The following PDCD7 variants were observed in gnomAD, a reference collection of about 807,000 sequenced individuals.
PDCD7 encodes the protein programmed cell death protein 7.
A neutral mutation model predicts 42.1 loss-of-function variants in PDCD7; 40 were observed. That is an observed-to-expected ratio of 0.95 (90% CI 0.74 to 1.24). The LOEUF (loss-of-function observed/expected upper bound fraction) is 1.24, where lower values mean the gene tolerates loss of function less well. Among genes scored for constraint, PDCD7 ranks in the 50% most tolerant of loss-of-function variants. PDCD7 has a pLI of 0.00. For synonymous variants in PDCD7, 299 were observed against 303.3 expected, an observed-to-expected ratio of 0.99 and a Z score of 0.15; for missense variants, 644 against 662.8, an observed-to-expected ratio of 0.97 and a Z score of 0.31.
chr15:65,128,545 G>T (rs142282989), intron 2 of PDCD7, among the ~76,000 whole-genome samples: 3 of 152,200 alleles, frequency 2.0e-5, no homozygotes, highest in African/African-American at 7.2e-5. Context: ...GTGACATGAA[G>T]GGAAGGTGGG....
At chr15:65,119,262 C>T in intron 4 of PDCD7, 114 bp downstream of exon 4, 14 of 651,336 alleles carry the variant, frequency 2.1e-5, no homozygotes, top group African/African-American at 1.8e-5. Context: ...TTTTTAAGTT[C>T]CTTATGGAAC....
chr15:65,129,127 A>G lies in PDCD7; in HGVS notation c.914T>C (p.Val305Ala), dbSNP rs1400835526. Residue 305 changes from valine (V) to alanine (A), a missense_variant, in exon 2 of 5, where the codon GTG (valine) becomes GCG (alanine). Coordinates refer to ENST00000204549, the MANE Select transcript of PDCD7 (RefSeq NM_005707.2). The part of the protein sequence containing the change: ...KAAADGVLSE[V>A]RKKQADTKRM... ...TTTGGTATCTGCTTGTTTTTTCCTC[A>G]CTTCAGATAGTACGCCATCAGCGGC... is the stretch of plus-strand genomic sequence containing the variant. The G allele has an allele frequency of 1.2e-6, 2 of 1,613,826 alleles. No individual in the cohort carries two copies. The highest frequency in any genetic ancestry group is 1.3e-5 in the African/African-American group (1 of 74,984).
At chr15:65,130,780 T>C (rs936013365) in intron 1 of PDCD7, among the ~76,000 whole-genome samples, 5 of 151,852 alleles carry the variant, frequency 3.3e-5, no homozygotes, top group Non-Finnish European at 5.9e-5. Flanking sequence ...GAGGCAGAGG[T>C]TGCAGCGAGC....
intron 1 of PDCD7, among the ~76,000 whole-genome samples, chr15:65,132,162 C>T (rs2087545640): frequency 6.7e-6 from 1 of 149,170 alleles, no homozygotes; most frequent in Non-Finnish European, 1.5e-5. Flanking sequence ...CTCCGAAACA[C>T]CATTGCTGAA....
rs2087427783 is a variant in PDCD7 at position 65,118,764 on chromosome 15, G to A, written c.1411C>T (p.Pro471Ser). 5 of 1,610,310 alleles carry A rather than the reference G, an allele frequency of 3.1e-6. No homozygotes were observed. The highest frequency in any genetic ancestry group is 3.4e-5 in the Admixed American group (2 of 59,512). ...GCCCAGATGTCGTTGCTGGGGAGCG[G>A]GGGAAGGACCCATCCTTGGGGAACG... Reference protein sequence around the residue: ...NFVPQGWVLPPLPSNDIWATA... With the variant: ...NFVPQGWVLPSLPSNDIWATA... The change falls in exon 5 of 5, where the codon CCG becomes TCG. Residue 471 changes from proline (P) to serine (S), a missense_variant. Coordinates refer to ENST00000204549, the MANE Select transcript of PDCD7 (RefSeq NM_005707.2).
chr15:65,132,810 A>G, intron 1 of PDCD7, 102 bp downstream of exon 1: 1 of 1,519,586 alleles, frequency 6.6e-7, no homozygotes, highest in Non-Finnish European at 8.8e-7. Flanking sequence ...TTTTGCGCGT[A>G]AAACAGAGGC....
At chr15:65,124,609 A>C (rs1008069102) in intron 2 of PDCD7, among the ~76,000 whole-genome samples, 24 of 152,118 alleles carry the variant, frequency 1.6e-4, no homozygotes, top group African/African-American at 5.1e-4. Context: ...AGTCCTGTTC[A>C]GTCTGTGGAC....
chr15:65,121,053 CTTTTTTTT>C (rs767625477), intron 2 of PDCD7, among the ~76,000 whole-genome samples: 1 of 130,158 alleles, frequency 7.7e-6, no homozygotes, highest in Non-Finnish European at 1.7e-5. Context: ...GACTTTCTTT[CTTTTTTTT>C]TTTTTTTTTT....
Position 65,133,764 on chromosome 15 carries a change from G to A in PDCD7, c.18C>T (p.Phe6=). 1 of 1,345,720 alleles carries A rather than the reference G, an allele frequency of 7.4e-7. No individual in the cohort carries two copies. The highest frequency in any genetic ancestry group is 9.6e-7 in the Non-Finnish European group (1 of 1,046,302). The allele number at this position is 1,345,720 out of a possible 1,614,324, so 83.4% of individuals were successfully genotyped here. A position where few individuals can be genotyped will look rare whatever the true frequency, so the allele number is the denominator to read the frequency against. Residue 6 remains phenylalanine (F), a synonymous_variant, in exon 1 of 5, where the codon TTC becomes TTT. Coordinates refer to ENST00000204549, the MANE Select transcript of PDCD7 (RefSeq NM_005707.2). ...GTGGGCCTGGGCGACCCTGGCCGAA[G>A]AATGGTGGCAGGGCCATGTTCACGA... MALPP[F]FGQGRPGPPP... is the part of the protein sequence containing the mutation.
intron 1 of PDCD7, among the ~76,000 whole-genome samples, chr15:65,131,186 CATTCTCATAGG>C (rs1017811177): frequency 6.6e-6 from 1 of 152,212 alleles, no homozygotes; most frequent in African/African-American, 2.4e-5. Context: ...AGCAGCATTA[CATTCTCATAGG>C]AGCACAAAGA....
intron 4 of PDCD7, 128 bp from the exon 5 acceptor site, chr15:65,118,968 C>T (rs957503715): frequency 3.3e-6 from 2 of 602,446 alleles, no homozygotes; most frequent in East Asian, 6.6e-5. Context: ...AACTTGATTT[C>T]TAGGAATCAA....
At position 65,118,530 on chromosome 15, in the gene PDCD7, A is replaced by G; in HGVS notation, c.*187T>C. ...CACCTAAGTCCTTTCCTGAAAAACCACATTAATCTGATTCAAGAGGCACCT... is the reference window on the plus strand; with the variant it reads ...CACCTAAGTCCTTTCCTGAAAAACCGCATTAATCTGATTCAAGAGGCACCT... On this transcript the variant is annotated 3_prime_UTR_variant, in exon 5 of 5. Coordinates refer to ENST00000204549, the MANE Select transcript of PDCD7 (RefSeq NM_005707.2). The G allele has an allele frequency of 2.0e-6, 1 of 505,766 alleles. No homozygotes were observed. The highest frequency in any genetic ancestry group is 6.6e-5 in the South Asian group (1 of 15,234). The allele number at this position is 505,766 out of a possible 1,614,324, so 31.3% of individuals were successfully genotyped here. A position where few individuals can be genotyped will look rare whatever the true frequency, so the allele number is the denominator to read the frequency against.
intron 2 of PDCD7, among the ~76,000 whole-genome samples, chr15:65,122,232 AG>A (rs1351486695): frequency 6.6e-6 from 1 of 152,142 alleles, no homozygotes; most frequent in Non-Finnish European, 1.5e-5. Context: ...ACTACTCAGG[AG>A]GCTAAGCCAG....
chr15:65,125,466 C>G (rs2087488132), intron 2 of PDCD7, among the ~76,000 whole-genome samples: 1 of 152,166 alleles, frequency 6.6e-6, no homozygotes. Flanking sequence ...GTTTGCTTTT[C>G]TTGTATCATA....
intron 2 of PDCD7, among the ~76,000 whole-genome samples, chr15:65,127,509 A>C (rs1425998641): frequency 6.6e-6 from 1 of 151,818 alleles, no homozygotes; most frequent in African/African-American, 2.4e-5. Flanking sequence ...CCAAAGCTTT[A>C]AGTATAAGTG....
chr15:65,132,847 GCCT>G, intron 1 of PDCD7, 62 bp downstream of exon 1: 4 of 1,585,210 alleles, frequency 2.5e-6, no homozygotes, highest in Non-Finnish European at 3.4e-6. Context: ...GAAGTTTAAA[GCCT>G]CCTGCTGCTC....
chr15:65,132,096 A>ATG (rs1379832198), intron 1 of PDCD7, among the ~76,000 whole-genome samples: 2 of 121,798 alleles, frequency 1.6e-5, no homozygotes, highest in South Asian at 6.1e-4. Context: ...ACATACATAT[A>ATG]TGTATGTGTA....
chr15:65,122,380 G>GA (rs371285004), intron 2 of PDCD7, among the ~76,000 whole-genome samples: 18 of 148,224 alleles, frequency 1.2e-4, no homozygotes, highest in East Asian at 7.8e-4. Flanking sequence ...ATACAAGAAA[G>GA]AAAAAAAAAA....
Position 65,119,636 on chromosome 15 carries a change from C to T in PDCD7, c.1246+82G>A. 2.8e-6 allele frequency: 4 copies of T among 1,450,418 alleles called. No individual in the cohort carries two copies. The East Asian group carries it at 9.1e-5, about 33-fold the overall frequency. 89.8% of individuals were successfully genotyped at this position (1,450,418 alleles called of 1,614,324 possible). A position where few individuals can be genotyped will look rare whatever the true frequency, so the allele number is the denominator to read the frequency against. On this transcript the variant is annotated intron_variant, in intron 3 of 4. Coordinates refer to ENST00000204549, the MANE Select transcript of PDCD7 (RefSeq NM_005707.2). ...GGAAGGTGTCATTTGTTGCCTACCA[C>T]CTCTTAGCTTGAGATCACCCGTGAT... is the stretch of plus-strand genomic sequence containing the variant.
Sources: allele counts gnomAD v4.1 joint callset (sites outside exome capture counted in the v4.1 genomes callset), GRCh38; gene constraint gnomAD v4.1.1; transcripts MANE v1.5; gene names NCBI Gene and HGNC (gene_info 2026-07-23, HGNC 2026-07-21).